FBXL3: variants seen among roughly 807,000 people sequenced by gnomAD.
FBXL3 encodes the protein F-box/LRR-repeat protein 3.
A neutral mutation model predicts 37.9 loss-of-function variants in FBXL3; 14 were observed. That is an observed-to-expected ratio of 0.37 (90% CI 0.24 to 0.58). FBXL3 has a LOEUF of 0.58. FBXL3 is among the 20% of genes least tolerant of loss of function. The pLI, the probability that FBXL3 is intolerant of heterozygous loss-of-function variation, is 0.74. For missense variants in FBXL3, 327 were observed against 511.1 expected, an observed-to-expected ratio of 0.64 and a Z score of 3.47; for synonymous variants, 194 against 180.1, an observed-to-expected ratio of 1.08 and a Z score of -0.62.
In FBXL3 at chr13:77,006,865, TTAGACTG is replaced by T; in HGVS notation, c.*273_*279del. The T allele has an allele frequency of 8.4e-7, 1 of 1,195,632 alleles. No homozygotes were observed. Among genetic ancestry groups the T allele is most frequent in the Non-Finnish European group, 1.0e-6 (1 of 961,148 alleles). 74.1% of individuals were successfully genotyped at this position (1,195,632 alleles called of 1,614,324 possible). A position where few individuals can be genotyped will look rare whatever the true frequency, so the allele number is the denominator to read the frequency against. The stretch of plus-strand genomic sequence containing the variant: ...TTATAACATATAGGTTTTGTTTCCT[TTAGACTG>T]TAAACTGTTTAATACGTATAACTGG... On this transcript the variant is annotated 3_prime_UTR_variant, in exon 5 of 5. Coordinates refer to ENST00000355619, the MANE Select transcript of FBXL3 (RefSeq NM_012158.4).
At chr13:77,012,153 T>C (rs2034566684) in intron 4 of FBXL3, among the ~76,000 whole-genome samples, 1 of 152,176 alleles carries the variant, frequency 6.6e-6, no homozygotes. Flanking sequence ...TTTAGAATAA[T>C]AAAAGCATTC....
chr13:77,018,938 C>G (rs1346856731), intron 2 of FBXL3: 1 of 370,334 alleles, frequency 2.7e-6, no homozygotes, highest in South Asian at 9.9e-5. Context: ...TTGGCCTTTT[C>G]TAAGTCTCTC....
intron 4 of FBXL3, among the ~76,000 whole-genome samples, chr13:77,012,286 G>C (rs1438658462): frequency 6.7e-6 from 1 of 148,308 alleles, no homozygotes; most frequent in Non-Finnish European, 1.5e-5. Flanking sequence ...GATTAGTGGT[G>C]GTACTATAAA....
At chr13:77,008,098 C>T (rs1338496710) in intron 4 of FBXL3, among the ~76,000 whole-genome samples, 2 of 152,094 alleles carry the variant, frequency 1.3e-5, no homozygotes, top group East Asian at 3.8e-4. Flanking sequence ...CAGACAGTGC[C>T]ATATTTTTAA....
At position 77,006,786 on chromosome 13, in the gene FBXL3, T is replaced by G; in HGVS notation, c.*359A>C. ...TAAAATGTCAAGTTTACATTTTTTT[T>G]TAAATGCATAGAGAATATAACATTT... On this transcript the variant is annotated 3_prime_UTR_variant, in exon 5 of 5. Coordinates refer to ENST00000355619, the MANE Select transcript of FBXL3 (RefSeq NM_012158.4). The G allele has an allele frequency of 2.0e-6, 2 of 998,638 alleles. No homozygotes were observed. The highest frequency in any genetic ancestry group is 8.6e-5 in the South Asian group (2 of 23,360). The allele number at this position is 998,638 out of a possible 1,614,324, so 61.9% of individuals were successfully genotyped here. A position where few individuals can be genotyped will look rare whatever the true frequency, so the allele number is the denominator to read the frequency against.
chr13:77,012,845 G>T (rs2034579008), intron 4 of FBXL3: 1 of 152,314 alleles, frequency 6.6e-6, no homozygotes, highest in South Asian at 2.1e-4. Context: ...TGCGACCTCG[G>T]CTCACTGCAA....
At chr13:77,007,888 T>G in intron 4 of FBXL3, 100 bp from the exon 5 acceptor site, 1 of 926,668 alleles carries the variant, frequency 1.1e-6, no homozygotes, top group Non-Finnish European at 1.6e-6. Context: ...CACAGTTCCC[T>G]TACCACAAAA....
At chr13:77,009,321 T>C (rs1406634347) in intron 4 of FBXL3, 1 of 152,182 alleles carries the variant, frequency 6.6e-6, no homozygotes, top group Admixed American at 6.5e-5. Context: ...TTCCGCAAAG[T>C]AGGTATATAC....
At chr13:77,011,865 A>C (rs1457170930) in intron 4 of FBXL3, among the ~76,000 whole-genome samples, 1 of 152,238 alleles carries the variant, frequency 6.6e-6, no homozygotes, top group Admixed American at 6.5e-5. Flanking sequence ...GGCTATGTAA[A>C]GTGGTACACA....
intron 3 of FBXL3, chr13:77,017,182 C>G (rs976728165): frequency 6.6e-6 from 1 of 152,134 alleles, no homozygotes; most frequent in Middle Eastern, 3.2e-3. Context: ...TATTAAGTAT[C>G]CTAGCCTCAC....
chr13:77,020,637 C>T (rs558870298), intron 2 of FBXL3, among the ~76,000 whole-genome samples: 1 of 151,164 alleles, frequency 6.6e-6, no homozygotes, highest in African/African-American at 2.4e-5. Flanking sequence ...TTTGCTACCA[C>T]AAAATCTGGT....
At position 77,007,287 on chromosome 13, in the gene FBXL3, A is replaced by T; in HGVS notation, c.1145T>A (p.Met382Lys). 1 of 1,614,112 alleles carries T rather than the reference A, an allele frequency of 6.2e-7. No homozygotes were observed. The highest frequency in any genetic ancestry group is 8.5e-7 in the Non-Finnish European group (1 of 1,180,016). The change falls in exon 5 of 5, where the codon ATG becomes AAG. Residue 382 changes from methionine (M) to lysine (K), a missense_variant. Physicochemically the swap from Met to Lys is moderately conservative, Grantham distance 95. Coordinates refer to ENST00000355619, the MANE Select transcript of FBXL3 (RefSeq NM_012158.4). ...TAATTGAGATAGGCGGCCACCACAC[A>T]TCTTCACAAACTCAACAAAGGCACT... ...SCSAFVEFVK[M>K]CGGRLSQLSI...
intron 1 of FBXL3, among the ~76,000 whole-genome samples, chr13:77,023,682 G>A (rs759279059): frequency 3.8e-4 from 58 of 152,108 alleles, no homozygotes; most frequent in Non-Finnish European, 6.9e-4. Flanking sequence ...TAGTGGTTTC[G>A]ACCTAAACTT....
chr13:77,026,707 G>T (rs1264149064), intron 1 of FBXL3, 120 bp downstream of exon 1: 5 of 141,004 alleles, frequency 3.5e-5, no homozygotes, highest in Non-Finnish European at 7.8e-5. Flanking sequence ...CGGCCCGCGC[G>T]CGCCCCGGCC....
Position 77,007,328 on chromosome 13 carries a change from T to C in FBXL3, c.1104A>G (p.Glu368=). Residue 368 remains glutamate (E), a synonymous_variant, in exon 5 of 5, where the codon GAA becomes GAG. Coordinates refer to ENST00000355619, the MANE Select transcript of FBXL3 (RefSeq NM_012158.4). ...CAAAGGCACTACATGAGACTTCACA[T>C]TCCCCTAGTCCAATAGCTGACAAAT... ...CKNLSAIGLG[E]CEVSCSAFVE... 1.2e-6 allele frequency: 2 copies of C among 1,614,170 alleles called. No homozygotes were observed. The highest frequency in any genetic ancestry group is 1.7e-6 in the Non-Finnish European group (2 of 1,180,016).
At chr13:77,008,616 G>C (rs1471242005) in intron 4 of FBXL3, 1 of 152,560 alleles carries the variant, frequency 6.6e-6, no homozygotes, top group Non-Finnish European at 1.5e-5. Flanking sequence ...GCAGTGGTGT[G>C]ATCTCAGCTC....
intron 4 of FBXL3, chr13:77,008,899 A>G (rs2034498284): frequency 6.6e-6 from 1 of 152,186 alleles, no homozygotes; most frequent in Non-Finnish European, 1.5e-5. Context: ...TTACCTGGTA[A>G]GTTACCCATT....
In FBXL3 at chr13:77,006,791, T is replaced by C. The variant is rs1038094011; in HGVS notation, c.*354A>G. On this transcript the variant is annotated 3_prime_UTR_variant, in exon 5 of 5. Transcript: ENST00000355619. ...TGTCAAGTTTACATTTTTTTTTAAA[T>C]GCATAGAGAATATAACATTTCAGAA... 9.9e-7 allele frequency: 1 copy of C among 1,005,450 alleles called. No individual in the cohort carries two copies. The highest frequency in any genetic ancestry group is 1.2e-6 in the Non-Finnish European group (1 of 837,430). The allele number at this position is 1,005,450 out of a possible 1,614,324, so 62.3% of individuals were successfully genotyped here.
chr13:77,017,748 T>C (rs2034669736), intron 3 of FBXL3: 1 of 152,142 alleles, frequency 6.6e-6, no homozygotes, highest in African/African-American at 2.4e-5. Context: ...AATTAAGACT[T>C]TGACATCAAC....
Sources: allele counts gnomAD v4.1 joint callset (sites outside exome capture counted in the v4.1 genomes callset), GRCh38; gene constraint gnomAD v4.1.1; transcripts MANE v1.5; gene names NCBI Gene and HGNC (gene_info 2026-07-23, HGNC 2026-07-21).